The following STIM1 variants were observed in gnomAD, a reference collection of about 807,000 sequenced individuals.
STIM1 encodes stromal interaction molecule 1.
STIM1 carries 25 observed loss-of-function variants against 74.7 expected under a neutral mutation model. The ratio of observed to expected loss-of-function variants is 0.33; its 90% CI spans 0.24 to 0.47. The LOEUF (loss-of-function observed/expected upper bound fraction) is 0.47, where lower values mean the gene tolerates loss of function less well. STIM1 is among the 20% of genes least tolerant of loss of function. The pLI, the probability that STIM1 is intolerant of heterozygous loss-of-function variation, is 1.00. For missense variants in STIM1, 728 were observed against 920.8 expected (o/e 0.79, Z 2.71); for synonymous variants, 328 against 348.8 (o/e 0.94, Z 0.66).
intron 2 of STIM1, among the ~76,000 whole-genome samples, chr11:4,013,690 CTTTTTTTTTTTTTTTTTT>C (rs1169600270): frequency 3.5e-4 from 18 of 51,928 alleles, no homozygotes; most frequent in African/African-American, 5.7e-4. Context: ...TCATTGATTT[CTTTTTTTTTTTTTTTTTT>C]TTTTTTTTTT....
chr11:3,988,970 C>T (rs1453775440), intron 2 of STIM1, among the ~76,000 whole-genome samples: 2 of 152,104 alleles, frequency 1.3e-5, no homozygotes, highest in Non-Finnish European at 2.9e-5. Flanking sequence ...AAACAACCAG[C>T]GAATGATTTC....
intron 4 of STIM1, 147 bp from the exon 5 acceptor site, chr11:4,059,134 C>T (rs906500209): frequency 1.1e-5 from 9 of 806,782 alleles, no homozygotes; most frequent in African/African-American, 5.1e-5. Flanking sequence ...CTGTTGAGAC[C>T]CAACTGGTAT....
intron 4 of STIM1, 84 bp downstream of exon 4, chr11:4,055,721 TAAGTG>T (rs2094283966): frequency 1.9e-6 from 2 of 1,027,884 alleles, no homozygotes; most frequent in Non-Finnish European, 2.9e-6. Flanking sequence ...TCTGGCCAGT[TAAGTG>T]AGGTTCTGCC....
chr11:3,897,783 C>G (rs936192265), intron 1 of STIM1, among the ~76,000 whole-genome samples: 1 of 151,696 alleles, frequency 6.6e-6, no homozygotes, highest in African/African-American at 2.4e-5. Flanking sequence ...TTTGTTCTTG[C>G]GATAGTTTAC....
At chr11:3,915,923 G>A (rs551085359) in intron 1 of STIM1, among the ~76,000 whole-genome samples, 2 of 152,148 alleles carry the variant, frequency 1.3e-5, no homozygotes, top group East Asian at 1.9e-4. Context: ...GCCAGGTTTC[G>A]TGCTGCATGC....
intron 5 of STIM1, among the ~76,000 whole-genome samples, chr11:4,066,624 C>T (rs1252433075): frequency 1.3e-5 from 2 of 152,014 alleles, no homozygotes; most frequent in African/African-American, 4.8e-5. Flanking sequence ...GTAGGAGGAT[C>T]TCTTGAGGCT....
chr11:4,082,459 A>T (rs955260386), intron 8 of STIM1, 108 bp downstream of exon 8: 2 of 1,191,884 alleles, frequency 1.7e-6, no homozygotes, highest in African/African-American at 3.0e-5. Context: ...TTGGGTGAAG[A>T]GATATCCTGG....
In STIM1 at chr11:3,955,423, G is replaced by GT. The variant is rs2093199786; in HGVS notation, c.140-12128dup. Among the ~76,000 whole-genome samples the GT allele has an allele frequency of 2.6e-5, 4 of 152,192 alleles. No individual in the cohort carries two copies. The South Asian group carries it at 8.3e-4, about 32-fold the overall frequency. On this transcript the variant is annotated intron_variant, in intron 1 of 12. Transcript: ENST00000526596. ...TCATTTTTATAAGGGTCAAAAACAG[G>GT]TAAAACTCGTCTATGATGATACAAG...
intron 1 of STIM1, among the ~76,000 whole-genome samples, chr11:3,952,749 T>G (rs1404219258): frequency 6.6e-6 from 1 of 152,218 alleles, no homozygotes; most frequent in East Asian, 1.9e-4. Flanking sequence ...AAATAAGTGT[T>G]GAAATGGGTA....
intron 1 of STIM1, among the ~76,000 whole-genome samples, chr11:3,915,400 ATT>A (rs34874358): frequency 2.1e-5 from 3 of 143,290 alleles, no homozygotes; most frequent in Non-Finnish European, 3.0e-5. Context: ...CTAGTTTTTA[ATT>A]TTTTTTTTTT....
chr11:4,058,724 G>A (rs2094309533), intron 4 of STIM1: 1 of 898,486 alleles, frequency 1.1e-6, no homozygotes, highest in Admixed American at 5.8e-5. Flanking sequence ...GTATTGCAGT[G>A]ACTCAAATAC....
intron 1 of STIM1, among the ~76,000 whole-genome samples, chr11:3,905,687 C>T (rs1421850885): frequency 6.6e-6 from 1 of 152,206 alleles, no homozygotes; most frequent in Non-Finnish European, 1.5e-5. Flanking sequence ...AGTATTGTCC[C>T]TATTTTCCAA....
At chr11:3,901,558 G>A (rs1221019666) in intron 1 of STIM1, among the ~76,000 whole-genome samples, 2 of 152,182 alleles carry the variant, frequency 1.3e-5, no homozygotes, top group Non-Finnish European at 2.9e-5. Context: ...CAGCTTATGT[G>A]TCAGAAAATC....
chr11:3,894,415 G>T lies in STIM1; in HGVS notation c.139+38006G>T, dbSNP rs564444584. Among the ~76,000 whole-genome samples the T allele has an allele frequency of 3.9e-5, 6 of 152,234 alleles. No homozygotes were observed. The South Asian group carries it at 8.3e-4, about 21-fold the overall frequency. On this transcript the variant is annotated intron_variant, in intron 1 of 12. Transcript: ENST00000526596. ...GGAGTCCCAAGGGGTGGAGTGGGGG[G>T]TTCTGCTTTGATGAGCAAAGGAAGT...
At chr11:3,869,919 GA>G (rs758041553) in intron 1 of STIM1, among the ~76,000 whole-genome samples, 7 of 152,136 alleles carry the variant, frequency 4.6e-5, no homozygotes, top group Non-Finnish European at 8.8e-5. Flanking sequence ...GGGAAGGAAA[GA>G]AAGAAAAGAG....
chr11:4,012,345 C>A (rs1159317519), intron 2 of STIM1, among the ~76,000 whole-genome samples: 1 of 152,172 alleles, frequency 6.6e-6, no homozygotes, highest in Admixed American at 6.5e-5. Flanking sequence ...ATTGATTCTT[C>A]CTATCCATGA....
At chr11:3,955,322 G>T (rs1183041109) in intron 1 of STIM1, among the ~76,000 whole-genome samples, 1 of 152,154 alleles carries the variant, frequency 6.6e-6, no homozygotes, top group African/African-American at 2.4e-5. Flanking sequence ...ATGTATGTTT[G>T]TCCAACACAT....
intron 2 of STIM1, among the ~76,000 whole-genome samples, chr11:4,015,985 G>A (rs1452624376): frequency 6.6e-6 from 1 of 152,104 alleles, no homozygotes; most frequent in Non-Finnish European, 1.5e-5. Flanking sequence ...CAATGGGTTA[G>A]AACATGCTCC....
intron 5 of STIM1, among the ~76,000 whole-genome samples, chr11:4,060,075 C>T (rs2094320165): frequency 6.6e-6 from 1 of 152,134 alleles, no homozygotes; most frequent in Non-Finnish European, 1.5e-5. Flanking sequence ...TGGGTTTTCA[C>T]TGAAGCAGTA....
Sources: allele counts gnomAD v4.1 joint callset (sites outside exome capture counted in the v4.1 genomes callset), GRCh38; gene constraint gnomAD v4.1.1; transcripts MANE v1.5; gene names NCBI Gene and HGNC (gene_info 2026-07-23, HGNC 2026-07-21).